The following CSMD1 variants were observed in gnomAD, a reference collection of about 807,000 sequenced individuals.
The protein encoded by CSMD1 is CUB and Sushi multiple domains 1, also known as CUB and sushi domain-containing protein 1.
CSMD1 carries 213 observed loss-of-function variants against 417.5 expected under a neutral mutation model. The ratio of observed to expected loss-of-function variants is 0.51; its 90% confidence interval spans 0.46 to 0.57. The LOEUF (loss-of-function observed/expected upper bound fraction) is 0.57, where lower values mean the gene tolerates loss of function less well. Among genes scored for constraint, CSMD1 ranks in the 20% least tolerant of loss-of-function variants. CSMD1 has a pLI of 0.00. For missense variants in CSMD1, 6,923 were observed against 4,529.7 expected (o/e 1.53, Z -15.17); for synonymous variants, 2,862 against 1,736.8 (o/e 1.65, Z -16.11).
chr8:3,386,423 C>T (rs1421815426), intron 18 of CSMD1, among the ~76,000 whole-genome samples: 1 of 152,166 alleles, frequency 6.6e-6, no homozygotes, highest in Non-Finnish European at 1.5e-5. Context: ...TGAGAGGGCT[C>T]CAGCAGCTCT....
intron 5 of CSMD1, among the ~76,000 whole-genome samples, chr8:3,878,023 G>C (rs959328166): frequency 2.6e-5 from 4 of 151,704 alleles, no homozygotes; most frequent in Non-Finnish European, 4.4e-5. Flanking sequence ...AAGATAAAAT[G>C]ATTTATTAGT....
At chr8:3,693,175 T>A (rs956552587) in intron 7 of CSMD1, among the ~76,000 whole-genome samples, 1 of 152,116 alleles carries the variant, frequency 6.6e-6, no homozygotes, top group Admixed American at 6.6e-5. Context: ...GTGAGTAAAA[T>A]TGGTCAGGAG....
At chr8:3,211,116 C>T (rs1034570706) in intron 30 of CSMD1, among the ~76,000 whole-genome samples, 2 of 152,142 alleles carry the variant, frequency 1.3e-5, no homozygotes, top group East Asian at 1.9e-4. Context: ...CCAGTCACGG[C>T]TCACTGCAGC....
At chr8:3,520,020 C>CATATATATATATATATATATATATA (rs1563116097) in intron 10 of CSMD1, among the ~76,000 whole-genome samples, 4 of 137,584 alleles carry the variant, frequency 2.9e-5, no homozygotes, top group African/African-American at 1.2e-4. Context: ...GTGTATATAC[C>CATATATATATATATATATATATATA]TATATATATA....
intron 1 of CSMD1, among the ~76,000 whole-genome samples, chr8:4,971,243 G>C (rs982358053): frequency 6.6e-6 from 1 of 151,806 alleles, no homozygotes; most frequent in Non-Finnish European, 1.5e-5. Context: ...TGATAAAGTG[G>C]TTAAAAATTA....
At position 4,208,490 on chromosome 8, in the gene CSMD1, T is replaced by A. The variant is rs902017353; in HGVS notation, c.416-176391A>T. Among the ~76,000 whole-genome samples, 3 of 152,224 alleles carry A rather than the reference T, an allele frequency of 2.0e-5. No homozygotes were observed. In the East Asian group the frequency reaches 5.8e-4, roughly 29 times the overall value. On this transcript the variant is annotated intron_variant, in intron 3 of 69. Coordinates refer to ENST00000635120, the MANE Select transcript of CSMD1 (RefSeq NM_033225.6). The stretch of plus-strand genomic sequence containing the variant: ...AATTGATGTTTCTATTCATCTGCGT[T>A]CTGTAGTTTATTAATCTGTGATATA...
At position 4,464,556 on chromosome 8, in the gene CSMD1, T is replaced by G. The variant is rs186870649; in HGVS notation, c.303-44491A>C. On this transcript the variant is annotated intron_variant, in intron 2 of 69. Transcript: ENST00000635120. ...ATTGAACTAAAAGTGAAAAGCAGAA[T>G]GGTCGTATGGGTACTCAACGGGTGG... 1.4e-4 allele frequency among the ~76,000 whole-genome samples: 22 copies of G among 152,194 alleles called. 1 individual carries two copies. The highest frequency in any genetic ancestry group is 5.3e-4 in the African/African-American group (22 of 41,450).
chr8:4,421,197 G>A (rs888034530), intron 2 of CSMD1, among the ~76,000 whole-genome samples: 4 of 152,078 alleles, frequency 2.6e-5, no homozygotes, highest in Non-Finnish European at 5.9e-5. Flanking sequence ...GTTAGCGAAC[G>A]CAATACAGAA....
At chr8:4,948,681 A>G (rs564121539) in intron 1 of CSMD1, among the ~76,000 whole-genome samples, 6 of 152,188 alleles carry the variant, frequency 3.9e-5, no homozygotes, top group African/African-American at 1.4e-4. Context: ...TCATATTTTT[A>G]AATAATTTGT....
intron 3 of CSMD1, among the ~76,000 whole-genome samples, chr8:4,379,184 G>A (rs566116547): frequency 1.3e-5 from 2 of 152,288 alleles, no homozygotes; most frequent in South Asian, 4.1e-4. Context: ...TTATTCTGTA[G>A]TATTCTGCCC....
chr8:3,418,428 G>C (rs1813291961), intron 12 of CSMD1, among the ~76,000 whole-genome samples: 1 of 152,142 alleles, frequency 6.6e-6, no homozygotes, highest in Non-Finnish European at 1.5e-5. Flanking sequence ...TAAGAGACTG[G>C]ATGTCAGAGA....
intron 11 of CSMD1, among the ~76,000 whole-genome samples, chr8:3,487,287 C>T (rs1818101311): frequency 1.3e-5 from 2 of 152,078 alleles, no homozygotes; most frequent in Non-Finnish European, 2.9e-5. Flanking sequence ...CTGCAAGCTC[C>T]ACCTCCTGGG....
intron 3 of CSMD1, among the ~76,000 whole-genome samples, chr8:4,177,417 G>A (rs371527000): frequency 2.6e-4 from 40 of 152,114 alleles, no homozygotes; most frequent in East Asian, 1.5e-3. Context: ...AATCTCTGGG[G>A]CACATTCAAA....
chr8:3,939,525 C>A (rs941086548), intron 5 of CSMD1, among the ~76,000 whole-genome samples: 6 of 151,968 alleles, frequency 3.9e-5, no homozygotes, highest in African/African-American at 9.7e-5. Flanking sequence ...GGTATCTACT[C>A]AAAGGAAAAG....
intron 5 of CSMD1, among the ~76,000 whole-genome samples, chr8:3,788,960 T>C (rs1300803395): frequency 2.0e-5 from 3 of 152,214 alleles, no homozygotes; most frequent in African/African-American, 4.8e-5. Flanking sequence ...AGAATTTAAA[T>C]GCAGATAATC....
intron 25 of CSMD1, 151 bp downstream of exon 25, chr8:3,307,544 T>G: frequency 1.2e-6 from 1 of 862,436 alleles, no homozygotes; most frequent in Non-Finnish European, 1.8e-6. Flanking sequence ...AGTAAGCAAG[T>G]GAGCCAACAA....
chr8:4,504,673 C>T (rs774035571), intron 2 of CSMD1, among the ~76,000 whole-genome samples: 1 of 152,122 alleles, frequency 6.6e-6, no homozygotes, highest in Non-Finnish European at 1.5e-5. Context: ...TGATGTTCCC[C>T]TCCCTGTATC....
intron 3 of CSMD1, among the ~76,000 whole-genome samples, chr8:4,109,566 G>A (rs546450926): frequency 6.6e-6 from 1 of 152,112 alleles, no homozygotes; most frequent in Non-Finnish European, 1.5e-5. Flanking sequence ...TCATTTCCCA[G>A]TCAATGTCTG....
chr8:4,313,273 C>G (rs1028941493), intron 3 of CSMD1, among the ~76,000 whole-genome samples: 5 of 151,934 alleles, frequency 3.3e-5, no homozygotes, highest in African/African-American at 1.2e-4. Flanking sequence ...CTCTAGTGCC[C>G]CAGGAAGAGA....
Sources: allele counts gnomAD v4.1 joint callset (sites outside exome capture counted in the v4.1 genomes callset), GRCh38; gene constraint gnomAD v4.1.1; transcripts MANE v1.5; gene names NCBI Gene and HGNC (gene_info 2026-07-23, HGNC 2026-07-21).